TRIP10: variants seen among roughly 807,000 people sequenced by gnomAD.
TRIP10 encodes cdc42-interacting protein 4.
In TRIP10, 54 loss-of-function variants were observed where a neutral mutation model predicts 80.9. That is an observed-to-expected ratio of 0.67 (90% CI 0.54 to 0.84). The LOEUF (loss-of-function observed/expected upper bound fraction) is 0.84, where lower values mean the gene tolerates loss of function less well. Among genes scored for constraint, TRIP10 ranks in the 40% least tolerant of loss-of-function variants. TRIP10 has a pLI of 0.00. For synonymous variants in TRIP10, 321 were observed against 307.2 expected, an observed-to-expected ratio of 1.04 and a Z score of -0.47; for missense variants, 773 against 815.3, an observed-to-expected ratio of 0.95 and a Z score of 0.63.
intron 5 of TRIP10, 79 bp from the exon 6 acceptor site, chr19:6,743,415 T>C: frequency 6.4e-7 from 1 of 1,558,794 alleles, no homozygotes; most frequent in South Asian, 1.1e-5. Context: ...GACATCCCAA[T>C]AATCCCTGAA....
intron 5 of TRIP10, 63 bp downstream of exon 5, chr19:6,743,319 G>T: frequency 6.3e-7 from 1 of 1,596,238 alleles, no homozygotes; most frequent in South Asian, 1.1e-5. Context: ...TGCGGATCCG[G>T]AGTCAGGGAG....
chr19:6,745,460 C>G lies in TRIP10; in HGVS notation c.984+466C>G, dbSNP rs1445516020. On this transcript the variant is annotated intron_variant, in intron 9 of 14. Transcript: ENST00000313244. This position sits in a 1 kb window ranked among gnomAD's most constrained non-coding sequence, Gnocchi z 7.2. ...TCCCTCTTCACTTACACTCTCATAC[C>G]TCTCCTTGACTTAACACCTGTGATC... Among the ~76,000 whole-genome samples the G allele has an allele frequency of 2.0e-5, 3 of 152,126 alleles. No individual in the cohort carries two copies. The highest frequency in any genetic ancestry group is 2.0e-4 in the Admixed American group (3 of 15,276).
At position 6,750,208 on chromosome 19, in the gene TRIP10, G is replaced by T. The variant is rs528254591; in HGVS notation, c.1396-84G>T. The T allele has an allele frequency of 3.8e-6, 6 of 1,587,876 alleles. No homozygotes were observed. In the East Asian group the frequency reaches 1.3e-4, roughly 36 times the overall value. On this transcript the variant is annotated intron_variant, in intron 12 of 14. Transcript: ENST00000313244. ...TCCATCACAGCCTTGGCTGTGCGTGGGTGATCTCAGGGAACCTCTGGGTCC... is the reference window on the plus strand; with the variant it reads ...TCCATCACAGCCTTGGCTGTGCGTGTGTGATCTCAGGGAACCTCTGGGTCC...
chr19:6,745,659 G>A lies in TRIP10; in HGVS notation c.985-370G>A, dbSNP rs1274706509. 1.0e-5 allele frequency: 10 copies of A among 985,202 alleles called. 1 individual carries two copies. Among genetic ancestry groups the A allele is most frequent in the Non-Finnish European group, 1.2e-6 (1 of 829,908 alleles). The allele number at this position is 985,202 out of a possible 1,614,324, so 61.0% of individuals were successfully genotyped here. A position where few individuals can be genotyped will look rare whatever the true frequency, so the allele number is the denominator to read the frequency against. On this transcript the variant is annotated intron_variant, in intron 9 of 14. Coordinates refer to ENST00000313244, the MANE Select transcript of TRIP10 (RefSeq NM_001288962.2). This position sits in a 1 kb window ranked among gnomAD's most constrained non-coding sequence, Gnocchi z 7.2. Reference sequence around the variant, plus strand: ...GACTGTCAGCCCAGAAAGCTAAGTGGACAGAGAGACATGGGCCTCCCTGCC... The same window carrying A: ...GACTGTCAGCCCAGAAAGCTAAGTGAACAGAGAGACATGGGCCTCCCTGCC...
intron 1 of TRIP10, among the ~76,000 whole-genome samples, chr19:6,740,460 C>A (rs1968879788): frequency 6.6e-6 from 1 of 152,240 alleles, no homozygotes; most frequent in Non-Finnish European, 1.5e-5. Context: ...GTTCTTAGTG[C>A]AGCGGGGGTA....
intron 1 of TRIP10, 156 bp from the exon 2 acceptor site, chr19:6,740,854 C>T: frequency 1.6e-6 from 1 of 622,462 alleles, no homozygotes; most frequent in Non-Finnish European, 2.8e-6. Context: ...CAGTTTCCTG[C>T]CTCCCCCCGC....
rs1373007858 is a variant in TRIP10 at position 6,749,918 on chromosome 19, G to A, written c.1263-16G>A. 1.2e-6 allele frequency: 2 copies of A among 1,611,636 alleles called. No individual in the cohort carries two copies. Among genetic ancestry groups the A allele is most frequent in the Non-Finnish European group, 1.7e-6 (2 of 1,178,978 alleles). Reference sequence around the variant, plus strand: ...GGAAGTATGTTTTCCTGTCTATCCTGTCTCCCTTGTCATAGGGAAGCCCTA... The same window carrying A: ...GGAAGTATGTTTTCCTGTCTATCCTATCTCCCTTGTCATAGGGAAGCCCTA... On this transcript the variant is annotated splice_polypyrimidine_tract_variant and intron_variant, in intron 11 of 14. Transcript: ENST00000313244.
chr19:6,741,257 C>T lies in TRIP10; in HGVS notation c.173C>T (p.Pro58Leu). 6.2e-7 allele frequency: 1 copy of T among 1,611,396 alleles called. No homozygotes were observed. The change falls in exon 3 of 15, where the codon CCT becomes CTT. Residue 58 changes from proline to leucine, a missense_variant. Coordinates refer to ENST00000313244, the MANE Select transcript of TRIP10 (RefSeq NM_001288962.2). ...SLVKKYLPKR[P>L]AKDDPESKFS... ...GTGAAAAAATATCTGCCCAAGAGAC[C>T]TGCCAAGGATGATCCTGAGTCCAAG...
chr19:6,740,894 T>A (rs1968896596), intron 1 of TRIP10, 116 bp from the exon 2 acceptor site: 1 of 879,502 alleles, frequency 1.1e-6, no homozygotes, highest in African/African-American at 1.7e-5. Flanking sequence ...GGGAAGCCAC[T>A]CCTTCTAGGA....
rs1396802869 is a variant in TRIP10 at position 6,744,381 on chromosome 19, GTC to G, written c.643-169_643-168del. Reference sequence around the variant, plus strand: ...CCCTCTGAGATCCCCCTGGCCCTGTGTCTCTTCCCCAACCACAGTGGGCTGGA... The same window carrying G: ...CCCTCTGAGATCCCCCTGGCCCTGTGTCTTCCCCAACCACAGTGGGCTGGA... On this transcript the variant is annotated intron_variant, in intron 7 of 14. Transcript: ENST00000313244. This position sits in a 1 kb window ranked among gnomAD's most constrained non-coding sequence, Gnocchi z 4.9. Among the ~76,000 whole-genome samples, 2 of 152,152 alleles carry G rather than the reference GTC, an allele frequency of 1.3e-5. No individual in the cohort carries two copies. The highest frequency in any genetic ancestry group is 2.9e-5 in the Non-Finnish European group (2 of 68,020).
At chr19:6,747,954 G>A (rs1428381049) in intron 11 of TRIP10, among the ~76,000 whole-genome samples, 2 of 147,836 alleles carry the variant, frequency 1.4e-5, no homozygotes, top group Non-Finnish European at 3.0e-5. Context: ...AGAAGAAGAA[G>A]AAGAAAAACC....
intron 11 of TRIP10, among the ~76,000 whole-genome samples, chr19:6,749,708 G>A (rs1015049566): frequency 6.6e-6 from 1 of 152,064 alleles, no homozygotes; most frequent in Admixed American, 6.6e-5. Flanking sequence ...AAAATCAGGC[G>A]AGTGTGGTGA....
In TRIP10 at chr19:6,745,962, A is replaced by T. The variant is rs1488182466; in HGVS notation, c.985-67A>T. 4.3e-6 allele frequency: 5 copies of T among 1,168,988 alleles called. No homozygotes were observed. Among genetic ancestry groups the T allele is most frequent in the South Asian group, 2.9e-5 (1 of 34,784 alleles). 72.4% of individuals were successfully genotyped at this position (1,168,988 alleles called of 1,614,324 possible). The stretch of plus-strand genomic sequence containing the variant: ...TCCATCCCTCCGTCCATTCGTCCTC[A>T]CTCTCTACATCCTCCTATGCCCCCC... On this transcript the variant is annotated intron_variant, in intron 9 of 14. Coordinates refer to ENST00000313244, the MANE Select transcript of TRIP10 (RefSeq NM_001288962.2). The surrounding 1 kb of genome is among the most constrained non-coding windows in gnomAD (Gnocchi z 7.2).
Position 6,745,197 on chromosome 19 carries a change from A to C in TRIP10, c.984+203A>C. 1.5e-6 allele frequency: 1 copy of C among 654,226 alleles called. No individual in the cohort carries two copies. The highest frequency in any genetic ancestry group is 2.5e-6 in the Non-Finnish European group (1 of 405,772). The allele number at this position is 654,226 out of a possible 1,614,324, so 40.5% of individuals were successfully genotyped here. A position where few individuals can be genotyped will look rare whatever the true frequency, so the allele number is the denominator to read the frequency against. On this transcript the variant is annotated intron_variant, in intron 9 of 14. Transcript: ENST00000313244. This position sits in a 1 kb window ranked among gnomAD's most constrained non-coding sequence, Gnocchi z 7.2. The stretch of plus-strand genomic sequence containing the variant: ...AGGCGAAGGCGGGGGCAGGGTGGGG[A>C]GGTGGGGAGGTCCGTGGCGTTTGTC...
chr19:6,746,393 G>T lies in TRIP10; in HGVS notation c.1153-59G>T, dbSNP rs780737107. On this transcript the variant is annotated intron_variant, in intron 10 of 14. Coordinates refer to ENST00000313244, the MANE Select transcript of TRIP10 (RefSeq NM_001288962.2). The surrounding 1 kb of genome is among the most constrained non-coding windows in gnomAD (Gnocchi z 6.2). The stretch of plus-strand genomic sequence containing the variant: ...AGGGAGTGAAATATCTCAGACGGGT[G>T]CAGAGTCTGGCAGGCTAGACTCCTT... 2 of 1,584,426 alleles carry T rather than the reference G, an allele frequency of 1.3e-6. No individual in the cohort carries two copies. Among genetic ancestry groups the T allele is most frequent in the Non-Finnish European group, 1.7e-6 (2 of 1,155,130 alleles).
intron 1 of TRIP10, chr19:6,740,731 C>T: frequency 2.2e-6 from 1 of 444,576 alleles, no homozygotes; most frequent in Non-Finnish European, 4.1e-6. Flanking sequence ...GCCCTGTCCC[C>T]TTCCACGCCC....
intron 11 of TRIP10, among the ~76,000 whole-genome samples, chr19:6,747,228 G>A (rs1969163392): frequency 6.6e-6 from 1 of 152,214 alleles, no homozygotes; most frequent in East Asian, 1.9e-4. Context: ...GGAGGCTGAG[G>A]TGGGAGGATG....
At position 6,746,353 on chromosome 19, in the gene TRIP10, A is replaced by C. The variant is rs1215953017; in HGVS notation, c.1153-99A>C. The C allele has an allele frequency of 3.2e-6, 5 of 1,557,242 alleles. No homozygotes were observed. The African/African-American group carries it at 4.0e-5, about 13-fold the overall frequency. ...CTCTGTGCATGGCTTCGCTGTCAAG[A>C]ACCATGGCTGGGGAAGGGAGTGAAA... On this transcript the variant is annotated intron_variant, in intron 10 of 14. Transcript: ENST00000313244. This position sits in a 1 kb window ranked among gnomAD's most constrained non-coding sequence, Gnocchi z 6.2.
In TRIP10 at chr19:6,750,012, C is replaced by A. The variant is rs572675375; in HGVS notation, c.1341C>A (p.Ile447=). 1 of 1,613,748 alleles carries A rather than the reference C, an allele frequency of 6.2e-7. No individual in the cohort carries two copies. The highest frequency in any genetic ancestry group is 1.1e-5 in the South Asian group (1 of 91,060). The stretch of plus-strand genomic sequence containing the variant: ...ACCCCGCCAGCTTGGAGCCCCAGAT[C>A]GCTGAAACCCTGAGCAACATTGAAC... ...MGDPASLEPQ[I]AETLSNIERL... The change falls in exon 12 of 15, where the codon ATC becomes ATA. Residue 447 remains isoleucine, a synonymous_variant. Transcript: ENST00000313244.
Sources: allele counts gnomAD v4.1 joint callset (sites outside exome capture counted in the v4.1 genomes callset), GRCh38; gene constraint gnomAD v4.1.1; non-coding constraint Gnocchi (gnomAD v3.1); transcripts MANE v1.5; gene names NCBI Gene and HGNC (gene_info 2026-07-23, HGNC 2026-07-21).